COL24A1: variants seen among roughly 807,000 people sequenced by gnomAD.
The protein encoded by COL24A1 is collagen alpha-1(XXIV) chain.
Under a neutral mutation model 253.9 loss-of-function variants are expected in COL24A1, and 224 were observed. The ratio of observed to expected loss-of-function variants is 0.88; its 90% confidence interval spans 0.79 to 0.99. The LOEUF is 0.99. Ranked by LOEUF, COL24A1 falls within the 50% of genes least tolerant of loss-of-function variation. The pLI, the probability that COL24A1 is intolerant of heterozygous loss-of-function variation, is 0.00. For missense variants in COL24A1, 2,131 were observed against 2,068.5 expected, an observed-to-expected ratio of 1.03 and a Z score of -0.59; for synonymous variants, 685 against 673.7, an observed-to-expected ratio of 1.02 and a Z score of -0.26.
chr1:86,146,983 A>T (rs565439271), intron 1 of COL24A1, among the ~76,000 whole-genome samples: 5 of 152,166 alleles, frequency 3.3e-5, no homozygotes, highest in Non-Finnish European at 7.4e-5. Context: ...AAGAGAGATG[A>T]TAAGCATGCT....
At chr1:85,976,596 G>C (rs181178112) in intron 20 of COL24A1, among the ~76,000 whole-genome samples, 23 of 152,192 alleles carry the variant, frequency 1.5e-4, no homozygotes, top group African/African-American at 5.5e-4. Context: ...GAGCTTTATG[G>C]CCTTGCCCAT....
rs980084298 is a variant in COL24A1, at chr1:85,873,743, T to C, written c.3138+906A>G. 2.6e-5 allele frequency among the ~76,000 whole-genome samples: 4 copies of C among 152,056 alleles called. No homozygotes were observed. The East Asian group carries it at 7.8e-4, about 29-fold the overall frequency. ...ATATCTAATGTAAATGAGAAGTTAA[T>C]GGGTGCAGCACACCAACATGGCACA... On this transcript the variant is annotated intron_variant, in intron 35 of 59. Coordinates refer to ENST00000370571, the MANE Select transcript of COL24A1 (RefSeq NM_152890.7).
rs190550059 is a variant in COL24A1 at position 85,838,628 on chromosome 1, C to G, written c.3638G>C (p.Gly1213Ala). 2.6e-4 allele frequency: 421 copies of G among 1,613,842 alleles called. 9 individuals are homozygous for G. The Admixed American group carries it at 6.8e-3, about 26-fold the overall frequency. The change falls in exon 43 of 60, where the codon GGG becomes GCG. Residue 1213 changes from glycine (G) to alanine (A), a missense_variant. Gly to Ala is a moderately conservative substitution (Grantham distance 60). Transcript: ENST00000370571. ...PGPRGEPGPV[G>A]DQGERGEPGA... ...AGGCTCTCCTCTCTCTCCTTGGTCCCCCACTGGACCCTACAGAGACCACAC... is the reference window on the plus strand; with the variant it reads ...AGGCTCTCCTCTCTCTCCTTGGTCCGCCACTGGACCCTACAGAGACCACAC...
At chr1:85,980,749 A>C (rs962120571) in intron 20 of COL24A1, among the ~76,000 whole-genome samples, 1 of 152,118 alleles carries the variant, frequency 6.6e-6, no homozygotes, top group Non-Finnish European at 1.5e-5. Flanking sequence ...TCTACTAAAA[A>C]TACAAAAAAA....
intron 37 of COL24A1, among the ~76,000 whole-genome samples, chr1:85,858,898 G>A (rs1019107269): frequency 6.6e-6 from 1 of 151,942 alleles, no homozygotes. Context: ...ACCACACCCA[G>A]CAAATTTTAC....
At chr1:85,779,502 A>G (rs758119776) in intron 52 of COL24A1, among the ~76,000 whole-genome samples, 5 of 152,150 alleles carry the variant, frequency 3.3e-5, no homozygotes, top group Non-Finnish European at 2.9e-5. Context: ...AGACATAGAG[A>G]TATAAGAGAT....
intron 19 of COL24A1, 27 bp from the exon 20 acceptor site, chr1:85,987,681 A>G (rs1177228238): frequency 1.2e-5 from 19 of 1,584,642 alleles, no homozygotes; most frequent in Non-Finnish European, 1.6e-5. Context: ...TGTAGCGTTT[A>G]TTCCATAGAA....
chr1:86,007,755 G>A (rs377358013), intron 19 of COL24A1, among the ~76,000 whole-genome samples: 48 of 152,270 alleles, frequency 3.2e-4, no homozygotes, highest in African/African-American at 1.1e-3. Flanking sequence ...TTCTGGAAAA[G>A]GCAAAATTAT....
chr1:85,997,302 T>C (rs1192807599), intron 19 of COL24A1, among the ~76,000 whole-genome samples: 2 of 151,800 alleles, frequency 1.3e-5, no homozygotes, highest in Non-Finnish European at 1.5e-5. Context: ...TAAGTAGATA[T>C]TGGGCAATAA....
intron 24 of COL24A1, among the ~76,000 whole-genome samples, chr1:85,923,928 C>A (rs560185916): frequency 6.6e-6 from 1 of 151,784 alleles, no homozygotes; most frequent in Admixed American, 6.6e-5. Context: ...GCTAGCAAGA[C>A]TAATAAAGAA....
At chr1:85,805,937 G>A (rs546675319) in intron 47 of COL24A1, among the ~76,000 whole-genome samples, 2 of 152,074 alleles carry the variant, frequency 1.3e-5, no homozygotes, top group Admixed American at 6.5e-5. Context: ...TTAGCTGAGC[G>A]TGGTGGCGGG....
At chr1:85,913,827 C>T (rs1685603416) in intron 24 of COL24A1, among the ~76,000 whole-genome samples, 2 of 152,170 alleles carry the variant, frequency 1.3e-5, no homozygotes, top group South Asian at 4.1e-4. Flanking sequence ...ACTAGTGACC[C>T]AAATTCTTCC....
At chr1:85,895,745 A>AAT in intron 31 of COL24A1, 113 bp downstream of exon 31, 1 of 819,346 alleles carries the variant, frequency 1.2e-6, no homozygotes, top group Non-Finnish European at 2.0e-6. Context: ...GTATACTGCA[A>AAT]ATATATATAA....
intron 57 of COL24A1, among the ~76,000 whole-genome samples, chr1:85,739,203 T>G (rs1430690917): frequency 6.6e-6 from 1 of 152,208 alleles, no homozygotes; most frequent in Non-Finnish European, 1.5e-5. Context: ...TTCTTTCACC[T>G]TCTCTTGTCT....
chr1:85,795,883 C>T (rs529134420), intron 47 of COL24A1, among the ~76,000 whole-genome samples: 74 of 152,112 alleles, frequency 4.9e-4, no homozygotes, highest in African/African-American at 1.6e-3. Flanking sequence ...CAACTCAAAA[C>T]ACTTCTGTTT....
intron 35 of COL24A1, among the ~76,000 whole-genome samples, chr1:85,869,139 C>G (rs1404836671): frequency 1.3e-5 from 2 of 152,110 alleles, no homozygotes; most frequent in South Asian, 4.2e-4. Context: ...TTTTACATAG[C>G]TAGACTTGTG....
At chr1:85,730,777 C>T in intron 59 of COL24A1, 85 bp from the exon 60 acceptor site, 1 of 1,385,710 alleles carries the variant, frequency 7.2e-7, no homozygotes, top group South Asian at 1.2e-5. Flanking sequence ...ATAATGTGAA[C>T]TTGTTTTAAG....
intron 25 of COL24A1, among the ~76,000 whole-genome samples, chr1:85,910,722 TA>T (rs1449122449): frequency 6.6e-6 from 1 of 151,992 alleles, no homozygotes; most frequent in Non-Finnish European, 1.5e-5. Flanking sequence ...TTAGAAGAGA[TA>T]TTTAAAAAAC....
At chr1:86,149,570 C>T (rs570839633) in intron 1 of COL24A1, among the ~76,000 whole-genome samples, 16 of 152,208 alleles carry the variant, frequency 1.1e-4, no homozygotes, top group Non-Finnish European at 1.8e-4. Flanking sequence ...TCTCACCTGC[C>T]CAAGGTAATC....
Sources: allele counts gnomAD v4.1 joint callset (sites outside exome capture counted in the v4.1 genomes callset), GRCh38; gene constraint gnomAD v4.1.1; transcripts MANE v1.5; gene names NCBI Gene and HGNC (gene_info 2026-07-23, HGNC 2026-07-21).